Variants in ISL1 observed in about 807,000 individuals in gnomAD.
The protein encoded by ISL1 is ISL LIM homeobox 1.
In ISL1, 4 loss-of-function variants were observed where a neutral mutation model predicts 35.3. The ratio of observed to expected loss-of-function variants is 0.11; its 90% CI spans 0.06 to 0.26. ISL1 has a LOEUF of 0.26. Ranked by LOEUF, ISL1 falls within the 10% of genes least tolerant of loss-of-function variation. The pLI, the probability that ISL1 is intolerant of heterozygous loss-of-function variation, is 1.00. For missense variants in ISL1, 340 were observed against 472.8 expected (o/e 0.72, Z 2.60); for synonymous variants, 186 against 172.3 (o/e 1.08, Z -0.62).
Position 51,384,534 on chromosome 5 carries a change from A to G in ISL1, c.29-7A>G, listed in dbSNP as rs778022110. On this transcript the variant is annotated splice_region_variant and splice_polypyrimidine_tract_variant and intron_variant, in intron 1 of 5. Coordinates refer to ENST00000230658, the MANE Select transcript of ISL1 (RefSeq NM_002202.3). Reference sequence around the variant, plus strand: ...GTTAGTCAATCATGTATTTATTTTCATTTCAGAAAAACGTCTGATTTCCCT... The same window carrying G: ...GTTAGTCAATCATGTATTTATTTTCGTTTCAGAAAAACGTCTGATTTCCCT... The G allele has an allele frequency of 3.7e-6, 6 of 1,613,612 alleles. No homozygotes were observed. The highest frequency in any genetic ancestry group is 5.1e-6 in the Non-Finnish European group (6 of 1,179,660).
chr5:51,384,459 C>A (rs1747295470), intron 1 of ISL1, 82 bp from the exon 2 acceptor site: 2 of 1,299,346 alleles, frequency 1.5e-6, no homozygotes, highest in Non-Finnish European at 2.2e-6. Flanking sequence ...AGAGTACGCC[C>A]TATAAGAGAA....
intron 2 of ISL1, chr5:51,386,386 G>A (rs1046624384): frequency 3.2e-6 from 1 of 314,940 alleles, no homozygotes; most frequent in Non-Finnish European, 6.1e-6. Flanking sequence ...CTGTGTGTGT[G>A]TGTGTGTGTG....
Position 51,387,624 on chromosome 5 carries a change from A to G in ISL1, c.353A>G (p.Asp118Gly). ...VACSRQLIPG[D>G]EFALREDGLF... ...TGCAGCCGCCAGCTCATCCCTGGGGACGAATTTGCGCTTCGGGAGGACGGT... is the reference window on the plus strand; with the variant it reads ...TGCAGCCGCCAGCTCATCCCTGGGGGCGAATTTGCGCTTCGGGAGGACGGT... Residue 118 changes from aspartate (D) to glycine (G), a missense_variant, in exon 3 of 6, where the codon GAC becomes GGC. Asp to Gly is a moderately conservative substitution (Grantham distance 94). Around this residue, in one of 7 missense-constraint regions of ISL1, gnomAD observed 94 missense variants for 102.1 expected, o/e 0.92. Transcript: ENST00000230658. The surrounding 1 kb of genome is among the most constrained non-coding windows in gnomAD (Gnocchi z 4.3). 6.2e-7 allele frequency: 1 copy of G among 1,614,156 alleles called. No homozygotes were observed. Among genetic ancestry groups the G allele is most frequent in the Non-Finnish European group, 8.5e-7 (1 of 1,180,050 alleles).
chr5:51,389,703 A>C lies in ISL1; in HGVS notation c.536A>C (p.Glu179Ala). The change falls in exon 4 of 6, where the codon GAG becomes GCG. Residue 179 changes from glutamate (E) to alanine (A), a missense_variant. By Grantham distance (107) the Glu-to-Ala change is moderately radical. Around this residue, in one of 7 missense-constraint regions of ISL1, gnomAD observed 94 missense variants for 102.1 expected, o/e 0.92. Coordinates refer to ENST00000230658, the MANE Select transcript of ISL1 (RefSeq NM_002202.3). The surrounding 1 kb of genome is among the most constrained non-coding windows in gnomAD (Gnocchi z 5.0). ...CGGCCCCACGTCCACAAGCAGCCGGAGAAGACCACCCGCGTGCGGACTGTG... is the reference window on the plus strand; with the variant it reads ...CGGCCCCACGTCCACAAGCAGCCGGCGAAGACCACCCGCGTGCGGACTGTG... ...ALRPHVHKQP[E>A]KTTRVRTVLN... 1 of 1,613,706 alleles carries C rather than the reference A, an allele frequency of 6.2e-7. No individual in the cohort carries two copies. The highest frequency in any genetic ancestry group is 8.5e-7 in the Non-Finnish European group (1 of 1,179,998).
chr5:51,391,150 A>G (rs1285361915), intron 4 of ISL1, 124 bp from the exon 5 acceptor site: 28 of 866,738 alleles, frequency 3.2e-5, no homozygotes, highest in Non-Finnish European at 4.8e-5. Context: ...GGATTAACTG[A>G]GTCAATAAAG....
Position 51,389,241 on chromosome 5 carries a change from C to G in ISL1, c.479-405C>G. Among the ~76,000 whole-genome samples the G allele has an allele frequency of 6.6e-6, 1 of 152,044 alleles. No homozygotes were observed. Among genetic ancestry groups the G allele is most frequent in the Non-Finnish European group, 1.5e-5 (1 of 68,022 alleles). On this transcript the variant is annotated intron_variant, in intron 3 of 5. Coordinates refer to ENST00000230658, the MANE Select transcript of ISL1 (RefSeq NM_002202.3). This position sits in a 1 kb window ranked among gnomAD's most constrained non-coding sequence, Gnocchi z 5.0. Reference sequence around the variant, plus strand: ...GTAATCAATGTAACTGGGGCCCAGTCTGGGCACAAGGAAAGGTGAGAATGG... The same window carrying G: ...GTAATCAATGTAACTGGGGCCCAGTGTGGGCACAAGGAAAGGTGAGAATGG...
chr5:51,392,106 A>AGT (rs1378386264), intron 5 of ISL1, among the ~76,000 whole-genome samples: 6 of 152,130 alleles, frequency 3.9e-5, no homozygotes, highest in Non-Finnish European at 8.8e-5. Flanking sequence ...AGAGACACAC[A>AGT]GTGTGTACCA....
intron 2 of ISL1, among the ~76,000 whole-genome samples, chr5:51,386,816 A>G (rs1747352508): frequency 6.6e-6 from 1 of 152,202 alleles, no homozygotes; most frequent in African/African-American, 2.4e-5. Context: ...ATTTTCTGTT[A>G]ACATTGCTGC....
intron 4 of ISL1, among the ~76,000 whole-genome samples, chr5:51,390,884 A>C (rs1747497838): frequency 3.3e-5 from 5 of 151,326 alleles, no homozygotes; most frequent in Non-Finnish European, 7.4e-5. Context: ...CAGCTAACTG[A>C]AACTGCTCAG....
At position 51,390,636 on chromosome 5, in the gene ISL1, CTTTTTCT is replaced by C. The variant is rs1747477721; in HGVS notation, c.766-632_766-626del. ...TTTTCTTCCTTTTTTTCTTTTCTTT[CTTTTTCT>C]TTTTTTTTTTTTTTTTTTTTTTTTT... On this transcript the variant is annotated intron_variant, in intron 4 of 5. Transcript: ENST00000230658. Among the ~76,000 whole-genome samples the C allele has an allele frequency of 3.5e-4, 26 of 74,326 alleles. 2 individuals carry two copies. The highest frequency in any genetic ancestry group is 1.1e-3 in the African/African-American group (26 of 23,672). 48.8% of individuals were successfully genotyped at this position (74,326 alleles called of 152,430 possible).
chr5:51,383,891 G>C (rs1747273859), intron 1 of ISL1, among the ~76,000 whole-genome samples, 192 bp downstream of exon 1: 1 of 152,054 alleles, frequency 6.6e-6, no homozygotes. Flanking sequence ...GAAACTGATT[G>C]TACCTTGTGT....
intron 5 of ISL1, 141 bp downstream of exon 5, chr5:51,391,582 G>T: frequency 1.1e-6 from 1 of 890,326 alleles, no homozygotes; most frequent in Non-Finnish European, 1.8e-6. Flanking sequence ...GGGTAATGAA[G>T]AGAAGGGAGA....
chr5:51,390,636 CTTTTTCTTTT>C (rs1220084260), intron 4 of ISL1, among the ~76,000 whole-genome samples: 34,331 of 74,042 alleles, frequency 0.46, 6,066 homozygotes, highest in South Asian at 0.49. Context: ...TCTTTTCTTT[CTTTTTCTTTT>C]TTTTTTTTTT....
At position 51,387,214 on chromosome 5, in the gene ISL1, A is replaced by G. The variant is rs1039965954; in HGVS notation, c.219-276A>G. Among the ~76,000 whole-genome samples, 3 of 152,138 alleles carry G rather than the reference A, an allele frequency of 2.0e-5. No homozygotes were observed. The highest frequency in any genetic ancestry group is 7.2e-5 in the African/African-American group (3 of 41,418). ...AGGTGTTTTGAGCTAAGAGTTACCA[A>G]CTAAGACAGAGGTTCATCGGAAAGG... On this transcript the variant is annotated intron_variant, in intron 2 of 5. Coordinates refer to ENST00000230658, the MANE Select transcript of ISL1 (RefSeq NM_002202.3). This position sits in a 1 kb window ranked among gnomAD's most constrained non-coding sequence, Gnocchi z 4.3.
At chr5:51,393,080 G>A (rs984345482) in intron 5 of ISL1, among the ~76,000 whole-genome samples, 24 of 152,120 alleles carry the variant, frequency 1.6e-4, no homozygotes, top group African/African-American at 5.1e-4. Flanking sequence ...AGCCTGTTAC[G>A]GATTTTCCAA....
intron 1 of ISL1, 106 bp from the exon 2 acceptor site, chr5:51,384,434 AG>A: frequency 2.0e-6 from 2 of 987,044 alleles, no homozygotes. Flanking sequence ...AAAGAAAGAA[AG>A]AAAAAAACCT....
intron 3 of ISL1, among the ~76,000 whole-genome samples, chr5:51,388,986 T>C (rs963547790): frequency 6.6e-6 from 1 of 152,146 alleles, no homozygotes; most frequent in Non-Finnish European, 1.5e-5. Flanking sequence ...GATTTAATAC[T>C]AAGAGCAGGG....
chr5:51,391,198 C>T, intron 4 of ISL1, 76 bp from the exon 5 acceptor site: 1 of 1,480,528 alleles, frequency 6.8e-7, no homozygotes, highest in South Asian at 1.2e-5. Context: ...GGTATATTTG[C>T]TTAGCCTGTG....
chr5:51,392,913 G>A (rs1747552096), intron 5 of ISL1, among the ~76,000 whole-genome samples: 1 of 152,162 alleles, frequency 6.6e-6, no homozygotes, highest in South Asian at 2.1e-4. Context: ...TAATATATGG[G>A]TCTCATTTTG....
Sources: allele counts gnomAD v4.1 joint callset (sites outside exome capture counted in the v4.1 genomes callset), GRCh38; gene constraint gnomAD v4.1.1; regional missense constraint gnomAD v4.1.1; non-coding constraint Gnocchi (gnomAD v3.1); transcripts MANE v1.5; gene names NCBI Gene and HGNC (gene_info 2026-07-23, HGNC 2026-07-21).